The following CILK1 variants were observed in gnomAD, a reference collection of about 807,000 sequenced individuals.
CILK1 encodes the protein ciliogenesis associated kinase 1.
In CILK1, 47 loss-of-function variants were observed where a neutral mutation model predicts 79.2. The ratio of observed to expected loss-of-function variants is 0.59; its 90% CI spans 0.47 to 0.76. The LOEUF is 0.76. Among genes scored for constraint, CILK1 ranks in the 30% least tolerant of loss-of-function variants. The probability of loss-of-function intolerance (pLI) is 0.00; values close to 1 mark genes in which losing one functional copy is unlikely to be tolerated. For missense variants in CILK1, 660 were observed against 769.5 expected (o/e 0.86, Z 1.68); for synonymous variants, 266 against 275.9 (o/e 0.96, Z 0.36).
chr6:53,012,512 A>G (rs532674488), intron 9 of CILK1, among the ~76,000 whole-genome samples: 39 of 152,326 alleles, frequency 2.6e-4, no homozygotes, highest in African/African-American at 9.4e-4. Context: ...GGCTAAATTC[A>G]TACTCAGTCT....
At chr6:53,029,156 A>T (rs1167554547) in intron 5 of CILK1, among the ~76,000 whole-genome samples, 1 of 152,180 alleles carries the variant, frequency 6.6e-6, no homozygotes, top group African/African-American at 2.4e-5. Context: ...AGACACTATG[A>T]CTGGTCTCTA....
intron 7 of CILK1, among the ~76,000 whole-genome samples, chr6:53,016,901 T>G (rs1159417633): frequency 6.6e-6 from 1 of 152,246 alleles, no homozygotes; most frequent in Non-Finnish European, 1.5e-5. Flanking sequence ...CCTCCACTCC[T>G]TTTTAAAGCC....
chr6:53,057,764 T>G lies in CILK1; in HGVS notation c.-173+3832A>C, dbSNP rs1422788070. On this transcript the variant is annotated intron_variant, in intron 1 of 13. Transcript: ENST00000676107. ...TCACTTGACATTCTCACTCTACAGA[T>G]GAGATCCAACTAAGAAGAACAGAAT... is the stretch of plus-strand genomic sequence containing the variant. The G allele has an allele frequency of 2.0e-5, 3 of 152,184 alleles. No homozygotes were observed. In the East Asian group the frequency reaches 5.8e-4, roughly 29 times the overall value. 9.4% of individuals were successfully genotyped at this position (152,184 alleles called of 1,614,324 possible). A position where few individuals can be genotyped will look rare whatever the true frequency, so the allele number is the denominator to read the frequency against.
chr6:53,027,791 C>T lies in CILK1; in HGVS notation c.358+3274G>A, dbSNP rs1765668425. On this transcript the variant is annotated intron_variant, in intron 5 of 13. Coordinates refer to ENST00000676107, the MANE Select transcript of CILK1 (RefSeq NM_014920.5). ...AGGCCAAGATGGGTGGATCACTTGA[C>T]AGCAGGAGTTGGAGACCAGGCTGGC... 2.0e-5 allele frequency among the ~76,000 whole-genome samples: 3 copies of T among 152,068 alleles called. No homozygotes were observed. In the South Asian group the frequency reaches 6.2e-4, roughly 32 times the overall value.
chr6:53,053,195 C>G (rs1407572680), intron 1 of CILK1, among the ~76,000 whole-genome samples: 1 of 152,162 alleles, frequency 6.6e-6, no homozygotes, highest in Non-Finnish European at 1.5e-5. Flanking sequence ...TCTGCCCTGA[C>G]AGCATTTAAA....
At position 53,004,861 on chromosome 6, in the gene CILK1, T is replaced by TA. The variant is rs1180438557; in HGVS notation, c.*287dup. ...AAAGTTCATTACAAAGTTGACTGTA[T>TA]AAAATGCTAAAACATAATCCATATA... On this transcript the variant is annotated 3_prime_UTR_variant, in exon 14 of 14. Coordinates refer to ENST00000676107, the MANE Select transcript of CILK1 (RefSeq NM_014920.5). 2 of 287,174 alleles carry TA rather than the reference T, an allele frequency of 7.0e-6. No individual in the cohort carries two copies. Among genetic ancestry groups the TA allele is most frequent in the African/African-American group, 4.4e-5 (2 of 45,700 alleles). 17.8% of individuals were successfully genotyped at this position (287,174 alleles called of 1,614,324 possible). A position where few individuals can be genotyped will look rare whatever the true frequency, so the allele number is the denominator to read the frequency against.
chr6:53,012,988 A>G (rs188990068), intron 9 of CILK1, among the ~76,000 whole-genome samples: 1 of 152,372 alleles, frequency 6.6e-6, no homozygotes, highest in Non-Finnish European at 1.5e-5. Context: ...GGCTCAGTTA[A>G]TAGCCCAGCA....
intron 1 of CILK1, among the ~76,000 whole-genome samples, chr6:53,048,311 G>A (rs1448703024): frequency 6.6e-6 from 1 of 152,230 alleles, no homozygotes; most frequent in Non-Finnish European, 1.5e-5. Flanking sequence ...TGTTCCAAGT[G>A]TACAAAGGAT....
At position 53,039,667 on chromosome 6, in the gene CILK1, G is replaced by A. The variant is rs564656439; in HGVS notation, c.101+1469C>T. Among the ~76,000 whole-genome samples the A allele has an allele frequency of 1.1e-3, 170 of 152,310 alleles. 1 individual carries two copies. The Middle Eastern group carries it at 0.017, about 15-fold the overall frequency. ...TGCTGGCATGGGCATAGAGCTGTGC[G>A]CTACAGCTGCACTGACATCAGGTGG... On this transcript the variant is annotated intron_variant, in intron 2 of 13. Coordinates refer to ENST00000676107, the MANE Select transcript of CILK1 (RefSeq NM_014920.5).
chr6:53,047,886 G>C (rs951081400), intron 1 of CILK1, among the ~76,000 whole-genome samples: 1 of 151,998 alleles, frequency 6.6e-6, no homozygotes, highest in East Asian at 1.9e-4. Flanking sequence ...ACAGAGATGT[G>C]GGTTCTGTTT....
At chr6:53,061,161 A>T (rs1768415571) in intron 1 of CILK1, 1 of 152,250 alleles carries the variant, frequency 6.6e-6, no homozygotes, top group African/African-American at 2.4e-5. Context: ...ATCCGTCAAT[A>T]TCCTTCTCAT....
intron 1 of CILK1, among the ~76,000 whole-genome samples, chr6:53,061,381 T>TA (rs1216275603): frequency 6.6e-6 from 1 of 152,164 alleles, no homozygotes; most frequent in African/African-American, 2.4e-5. Context: ...GACTAAAAGA[T>TA]AAACACCCGT....
In CILK1 at chr6:53,016,195, T is replaced by C. The variant is rs778371275; in HGVS notation, c.719A>G (p.Gln240Arg). The C allele has an allele frequency of 3.7e-6, 6 of 1,614,126 alleles. No individual in the cohort carries two copies. Among genetic ancestry groups the C allele is most frequent in the Non-Finnish European group, 4.2e-6 (5 of 1,179,954 alleles). Reference protein sequence around the residue: ...LSSAMNFRWPQCVPNNLKTLI... With the variant: ...LSSAMNFRWPRCVPNNLKTLI... The stretch of plus-strand genomic sequence containing the variant: ...GGTCTTTAAGTTATTGGGTACACAC[T>C]GTGGCCAACGGAAGTTCATTGCACT... Residue 240 changes from glutamine to arginine, a missense_variant, in exon 8 of 14, where the codon CAG becomes CGG. Coordinates refer to ENST00000676107, the MANE Select transcript of CILK1 (RefSeq NM_014920.5).
At position 53,003,920 on chromosome 6, in the gene CILK1, T is replaced by C. The variant is rs566878626; in HGVS notation, c.*1229A>G. The C allele has an allele frequency of 1.0e-4, 16 of 152,760 alleles. No individual in the cohort carries two copies. The highest frequency in any genetic ancestry group is 3.8e-4 in the African/African-American group (16 of 41,564). The allele number at this position is 152,760 out of a possible 1,614,324, so 9.5% of individuals were successfully genotyped here. On this transcript the variant is annotated 3_prime_UTR_variant, in exon 14 of 14. Transcript: ENST00000676107. The stretch of plus-strand genomic sequence containing the variant: ...GGCAAATGTACCATATAGAGATGGA[T>C]GAGACTGGACCTTTTGTCTTTTTCT...
intron 1 of CILK1, among the ~76,000 whole-genome samples, chr6:53,046,142 A>G (rs896798355): frequency 3.3e-5 from 5 of 152,206 alleles, no homozygotes; most frequent in Non-Finnish European, 7.3e-5. Context: ...CCTTAATTAC[A>G]TGACCTTTTC....
chr6:53,006,451 G>A lies in CILK1; in HGVS notation c.1622-14C>T, dbSNP rs1221468424. On this transcript the variant is annotated splice_polypyrimidine_tract_variant and intron_variant, in intron 12 of 13. Coordinates refer to ENST00000676107, the MANE Select transcript of CILK1 (RefSeq NM_014920.5). ...AGCTGGAACCAACTGATTTGCAAAA[G>A]CAAAAAGCTCATTATTACAAAGACA... 4 of 1,612,740 alleles carry A rather than the reference G, an allele frequency of 2.5e-6. No individual in the cohort carries two copies. The South Asian group carries it at 3.3e-5, about 13-fold the overall frequency.
rs1281331569 is a variant in CILK1, at chr6:53,012,344, T to C, written c.1153-117A>G. On this transcript the variant is annotated intron_variant, in intron 9 of 13. Transcript: ENST00000676107. ...AAAGGAGGCTCCTGGGGCATAACAT[T>C]GCTTATCTGAAGGGGCAACTGTAGA... is the stretch of plus-strand genomic sequence containing the variant. 4.5e-6 allele frequency: 4 copies of C among 882,602 alleles called. No homozygotes were observed. The East Asian group carries it at 1.0e-4, about 23-fold the overall frequency. The allele number at this position is 882,602 out of a possible 1,614,324, so 54.7% of individuals were successfully genotyped here.
At chr6:53,054,324 A>T (rs1767697159) in intron 1 of CILK1, among the ~76,000 whole-genome samples, 1 of 152,114 alleles carries the variant, frequency 6.6e-6, no homozygotes, top group African/African-American at 2.4e-5. Context: ...CCTCTGCTTC[A>T]GCCTCGACAC....
intron 5 of CILK1, among the ~76,000 whole-genome samples, chr6:53,021,359 A>G (rs1192227714): frequency 6.6e-6 from 1 of 151,940 alleles, no homozygotes; most frequent in East Asian, 1.9e-4. Flanking sequence ...GGTAAATCTC[A>G]TATCTGTCTC....
Sources: allele counts gnomAD v4.1 joint callset (sites outside exome capture counted in the v4.1 genomes callset), GRCh38; gene constraint gnomAD v4.1.1; transcripts MANE v1.5; gene names NCBI Gene and HGNC (gene_info 2026-07-23, HGNC 2026-07-21).